The following GRK5 variants were observed in gnomAD, a reference collection of about 807,000 sequenced individuals.
GRK5 encodes the protein g protein-coupled receptor kinase GRK5.
In GRK5, 40 loss-of-function variants were observed where a neutral mutation model predicts 78.4. The observed-to-expected ratio is 0.51, with a 90% CI of 0.40 to 0.66. The LOEUF is 0.66. GRK5 is among the 30% of genes least tolerant of loss of function. GRK5 has a pLI of 0.00. For synonymous variants in GRK5, 289 were observed against 296.8 expected, an observed-to-expected ratio of 0.97 and a Z score of 0.27; for missense variants, 598 against 759.9, an observed-to-expected ratio of 0.79 and a Z score of 2.50.
At chr10:119,396,552 TC>T (rs563112733) in intron 3 of GRK5, 142 bp from the exon 4 acceptor site, 41 of 668,874 alleles carry the variant, frequency 6.1e-5, no homozygotes, top group East Asian at 2.7e-4. Context: ...GGCCAGGTCT[TC>T]CCCCCCGGTT....
chr10:119,278,564 C>T (rs1270865929), intron 1 of GRK5, among the ~76,000 whole-genome samples: 4 of 152,132 alleles, frequency 2.6e-5, no homozygotes, highest in Admixed American at 6.5e-5. Context: ...ACTGAAGAGA[C>T]AGCCTGGGAT....
In GRK5 at chr10:119,442,098, G is replaced by A. The variant is rs760409999; in HGVS notation, c.1057+10G>A. The A allele has an allele frequency of 1.2e-6, 2 of 1,611,674 alleles. No homozygotes were observed. The highest frequency in any genetic ancestry group is 1.3e-5 in the African/African-American group (1 of 74,876). On this transcript the variant is annotated intron_variant, in intron 11 of 15. Transcript: ENST00000392870. ...ACTGTTGGCTACATGGGTGAGTGCT[G>A]GGCTGCCTGTGTCAATGCACCTTGA...
intron 4 of GRK5, among the ~76,000 whole-genome samples, chr10:119,416,232 A>G (rs1011100875): frequency 6.6e-6 from 1 of 152,264 alleles, no homozygotes; most frequent in Admixed American, 6.5e-5. Context: ...GCACTGATGC[A>G]GGAAATGATG....
intron 3 of GRK5, among the ~76,000 whole-genome samples, chr10:119,381,687 G>C (rs958348790): frequency 1.1e-4 from 16 of 152,200 alleles, no homozygotes; most frequent in African/African-American, 3.6e-4. Flanking sequence ...TCCGAGGAAG[G>C]AGGACAAGAG....
intron 6 of GRK5, among the ~76,000 whole-genome samples, chr10:119,429,054 G>A (rs149456450): frequency 7.9e-5 from 12 of 152,342 alleles, no homozygotes; most frequent in East Asian, 5.8e-4. Context: ...CGAGGCAGGC[G>A]TGTGGCAGCT....
chr10:119,445,771 G>A lies in GRK5; in HGVS notation c.1266+2019G>A, dbSNP rs112304829. 9.5e-4 allele frequency among the ~76,000 whole-genome samples: 145 copies of A among 152,190 alleles called. No homozygotes were observed. Among genetic ancestry groups the A allele is most frequent in the African/African-American group, 3.4e-3 (141 of 41,504 alleles). The stretch of plus-strand genomic sequence containing the variant: ...AGAGCCTGACTTGCCAGGAGACCTC[G>A]CAGGTCCTGGGTTCACAGGGCTATT... On this transcript the variant is annotated intron_variant, in intron 12 of 15. Coordinates refer to ENST00000392870, the MANE Select transcript of GRK5 (RefSeq NM_005308.3). This position sits in a 1 kb window ranked among gnomAD's most constrained non-coding sequence, Gnocchi z 4.1.
At chr10:119,273,221 TGTAG>T (rs1329206965) in intron 1 of GRK5, among the ~76,000 whole-genome samples, 1 of 152,132 alleles carries the variant, frequency 6.6e-6, no homozygotes, top group African/African-American at 2.4e-5. Flanking sequence ...GCAGCTCCAC[TGTAG>T]GCATAAAGCA....
chr10:119,277,573 G>A (rs1187759740), intron 1 of GRK5, among the ~76,000 whole-genome samples: 1 of 152,184 alleles, frequency 6.6e-6, no homozygotes, highest in Non-Finnish European at 1.5e-5. Flanking sequence ...TTTATTGAGT[G>A]TAATTGACAG....
intron 3 of GRK5, among the ~76,000 whole-genome samples, chr10:119,396,106 T>C (rs17095984): frequency 0.029 from 4,434 of 152,322 alleles, 181 homozygotes; most frequent in East Asian, 0.17. Context: ...AACTGTTTAT[T>C]ATTATTTATG....
chr10:119,316,763 C>T (rs995289040), intron 1 of GRK5, among the ~76,000 whole-genome samples: 11 of 152,258 alleles, frequency 7.2e-5, no homozygotes, highest in Non-Finnish European at 1.3e-4. Context: ...GGAAGCTCAC[C>T]CAGGCCTCAG....
rs562834361 is a variant in GRK5, at chr10:119,238,834, C to G, written c.52+30865C>G. Among the ~76,000 whole-genome samples the G allele has an allele frequency of 6.6e-6, 1 of 152,134 alleles. No individual in the cohort carries two copies. The highest frequency in any genetic ancestry group is 2.1e-4 in the South Asian group (1 of 4,810). ...TGGCCAGTGTCAGGATTAATAGAAT[C>G]CCCTTTCATTCTTGAAAGGGTCCCT... On this transcript the variant is annotated intron_variant, in intron 1 of 15. Coordinates refer to ENST00000392870, the MANE Select transcript of GRK5 (RefSeq NM_005308.3). This position sits in a 1 kb window ranked among gnomAD's most constrained non-coding sequence, Gnocchi z 4.7.
chr10:119,317,347 GGTGTGTGTGTGTGT>G (rs3064482), intron 1 of GRK5, among the ~76,000 whole-genome samples: 25 of 142,514 alleles, frequency 1.8e-4, no homozygotes, highest in East Asian at 8.4e-4. Context: ...TCAGTAGATG[GGTGTGTGTGTGTGT>G]GTGTGTGTGT....
chr10:119,392,911 C>A (rs1351730727), intron 3 of GRK5, among the ~76,000 whole-genome samples: 1 of 152,238 alleles, frequency 6.6e-6, no homozygotes, highest in African/African-American at 2.4e-5. Context: ...GGGTTGTTGG[C>A]ACACTCTTAC....
chr10:119,212,065 A>T (rs1187055465), intron 1 of GRK5, among the ~76,000 whole-genome samples: 1 of 152,206 alleles, frequency 6.6e-6, no homozygotes, highest in Admixed American at 6.5e-5. Flanking sequence ...AATCTTACCA[A>T]GCGACAGCTT....
At chr10:119,349,343 G>A (rs1459889766) in intron 2 of GRK5, among the ~76,000 whole-genome samples, 1 of 152,232 alleles carries the variant, frequency 6.6e-6, no homozygotes, top group Non-Finnish European at 1.5e-5. Context: ...GTGATGCTGT[G>A]TCCAGCTCTG....
Position 119,225,168 on chromosome 10 carries a change from G to A in GRK5, c.52+17199G>A, listed in dbSNP as rs149836511. Among the ~76,000 whole-genome samples the A allele has an allele frequency of 4.4e-3, 663 of 152,280 alleles. 4 individuals carry two copies. The highest frequency in any genetic ancestry group is 0.015 in the African/African-American group (643 of 41,552). ...TTCTCGCAATCCAAGAAAGGCAAAT[G>A]CATGATTCTAATGTTTTCTTTAGTA... is the stretch of plus-strand genomic sequence containing the variant. On this transcript the variant is annotated intron_variant, in intron 1 of 15. Coordinates refer to ENST00000392870, the MANE Select transcript of GRK5 (RefSeq NM_005308.3).
chr10:119,397,836 C>T (rs1852082594), intron 4 of GRK5, among the ~76,000 whole-genome samples: 1 of 152,248 alleles, frequency 6.6e-6, no homozygotes, highest in Non-Finnish European at 1.5e-5. Flanking sequence ...TGTCACGCCC[C>T]ACTCTGGACA....
chr10:119,228,615 T>C (rs573435593), intron 1 of GRK5, among the ~76,000 whole-genome samples: 3 of 152,056 alleles, frequency 2.0e-5, no homozygotes, highest in East Asian at 1.9e-4. Context: ...AGTGAGACCA[T>C]GTCTCTGAGA....
chr10:119,294,136 T>G (rs902004753), intron 1 of GRK5, among the ~76,000 whole-genome samples: 1 of 152,210 alleles, frequency 6.6e-6, no homozygotes, highest in South Asian at 2.1e-4. Flanking sequence ...AAAGCGTACC[T>G]GGATCTGGGT....
Sources: allele counts gnomAD v4.1 joint callset (sites outside exome capture counted in the v4.1 genomes callset), GRCh38; gene constraint gnomAD v4.1.1; non-coding constraint Gnocchi (gnomAD v3.1); transcripts MANE v1.5; gene names NCBI Gene and HGNC (gene_info 2026-07-23, HGNC 2026-07-21).